ABL2: variants seen among roughly 807,000 people sequenced by gnomAD.
ABL2 encodes tyrosine-protein kinase ABL2.
In ABL2, 49 loss-of-function variants were observed where a neutral mutation model predicts 107.7. The observed-to-expected ratio is 0.45, with a 90% CI of 0.36 to 0.58. ABL2 has a LOEUF of 0.58. Among genes scored for constraint, ABL2 ranks in the 20% least tolerant of loss-of-function variants. The probability of loss-of-function intolerance (pLI) is 0.00; values close to 1 mark genes in which losing one functional copy is unlikely to be tolerated. For synonymous variants in ABL2, 549 were observed against 548.6 expected (o/e 1.00, Z -0.01); for missense variants, 1,245 against 1,457.0 (o/e 0.85, Z 2.37).
rs1197519973 is a variant in ABL2 at position 179,109,135 on chromosome 1, T to C, written c.2132A>G (p.Asn711Ser). 2 of 1,598,250 alleles carry C rather than the reference T, an allele frequency of 1.3e-6. No homozygotes were observed. Among genetic ancestry groups the C allele is most frequent in the Admixed American group, 1.7e-5 (1 of 57,568 alleles). The change falls in exon 12 of 12, where the codon AAT (asparagine) becomes AGT (serine). Residue 711 changes from asparagine (N) to serine (S), a missense_variant. Around this residue, in one of 3 missense-constraint regions of ABL2, gnomAD observed 761 missense variants for 766.4 expected, o/e 0.99. Transcript: ENST00000502732. ...CCCATAGCACTTGGGTGGCACCAGA[T>C]TCGCCTCTTGCTGGGCAGGAGTGAA... is the stretch of plus-strand genomic sequence containing the variant. ...FSFTPAQQEA[N>S]LVPPKCYGGS... is the part of the protein sequence containing the mutation.
At chr1:179,188,747 A>G (rs1459017346) in intron 1 of ABL2, among the ~76,000 whole-genome samples, 2 of 152,186 alleles carry the variant, frequency 1.3e-5, no homozygotes, top group East Asian at 3.9e-4. Flanking sequence ...ACTACCTGGT[A>G]GGTGCTCAGT....
At chr1:179,196,351 C>T (rs1661308833) in intron 1 of ABL2, 1 of 151,926 alleles carries the variant, frequency 6.6e-6, no homozygotes, top group Non-Finnish European at 1.5e-5. Flanking sequence ...CTACTTATGC[C>T]CAAGTTTTAA....
intron 4 of ABL2, among the ~76,000 whole-genome samples, chr1:179,122,298 AAT>A (rs1211184356): frequency 3.5e-5 from 5 of 144,554 alleles, no homozygotes; most frequent in South Asian, 2.2e-4. Flanking sequence ...AAAAAAAAAA[AAT>A]ATTCTGCAGA....
Position 179,229,619 on chromosome 1 carries a change from C to G in ABL2, c.-222G>C, listed in dbSNP as rs1663442114. On this transcript the variant is annotated 5_prime_UTR_variant, in exon 1 of 12. Coordinates refer to ENST00000502732, the MANE Select transcript of ABL2 (RefSeq NM_007314.4). ...CTGCTTTTCCCTCCTCCTGTCGCGGCTCCGCGCCCCCAACGCCGCCGCCGC... is the reference window on the plus strand; with the variant it reads ...CTGCTTTTCCCTCCTCCTGTCGCGGGTCCGCGCCCCCAACGCCGCCGCCGC... The G allele has an allele frequency of 1.2e-5, 6 of 520,924 alleles. No individual in the cohort carries two copies. The highest frequency in any genetic ancestry group is 1.6e-5 in the Non-Finnish European group (5 of 310,866). 32.3% of individuals were successfully genotyped at this position (520,924 alleles called of 1,614,324 possible).
At chr1:179,207,168 C>CT (rs573654560) in intron 1 of ABL2, among the ~76,000 whole-genome samples, 18,039 of 141,696 alleles carry the variant, frequency 0.13, 1,105 homozygotes, top group Non-Finnish European at 0.14. Flanking sequence ...TCTTTTCTTT[C>CT]TTTTTTTTTT....
At chr1:179,123,985 T>C (rs1655481273) in intron 4 of ABL2, among the ~76,000 whole-genome samples, 3 of 151,524 alleles carry the variant, frequency 2.0e-5, no homozygotes, top group Admixed American at 2.0e-4. Context: ...CTCACGCCTG[T>C]AATCCCAGCA....
At chr1:179,178,458 T>C (rs967965352) in intron 1 of ABL2, among the ~76,000 whole-genome samples, 9 of 150,332 alleles carry the variant, frequency 6.0e-5, no homozygotes, top group Non-Finnish European at 1.2e-4. Flanking sequence ...TGCAGATTCA[T>C]GCTCCAGAAA....
chr1:179,132,279 T>C (rs1049801240), intron 2 of ABL2, among the ~76,000 whole-genome samples: 1 of 152,218 alleles, frequency 6.6e-6, no homozygotes, highest in Non-Finnish European at 1.5e-5. Context: ...TTTTACGACC[T>C]GTTTTTTCCT....
Position 179,100,487 on chromosome 1 carries a change from A to C in ABL2, c.*7231T>G, listed in dbSNP as rs1653011371. On this transcript the variant is annotated 3_prime_UTR_variant, in exon 12 of 12. Transcript: ENST00000502732. ...TAAGTATACATATATGTGAAAATTT[A>C]AGTCCCATTCTCCAACTAAAGTTTA... The C allele has an allele frequency of 4.4e-6, 1 of 228,168 alleles. No individual in the cohort carries two copies. The highest frequency in any genetic ancestry group is 1.8e-4 in the South Asian group (1 of 5,484). 14.1% of individuals were successfully genotyped at this position (228,168 alleles called of 1,614,324 possible).
chr1:179,141,775 T>C (rs1477099766), intron 1 of ABL2, among the ~76,000 whole-genome samples: 1 of 152,182 alleles, frequency 6.6e-6, no homozygotes, highest in Non-Finnish European at 1.5e-5. Flanking sequence ...GCACAGGATA[T>C]CCACTTAAAC....
rs28914541 is a variant in ABL2 at position 179,119,997 on chromosome 1, A to C, written c.1045+193T>G. ...TTTGGGGGAGGAAAAAAGGCGGGGC[A>C]TGGTGGCTCATGCCTGTAATCCCAA... On this transcript the variant is annotated intron_variant, in intron 6 of 11. Transcript: ENST00000502732. 1.9e-3 allele frequency among the ~76,000 whole-genome samples: 282 copies of C among 152,202 alleles called. 2 individuals carry two copies. The highest frequency in any genetic ancestry group is 3.0e-3 in the Non-Finnish European group (205 of 67,996).
intron 1 of ABL2, among the ~76,000 whole-genome samples, chr1:179,210,554 G>A (rs552873268): frequency 4.6e-4 from 68 of 148,188 alleles, no homozygotes; most frequent in African/African-American, 1.7e-3. Context: ...ATTTTTAAAG[G>A]ATAAAAATAA....
intron 1 of ABL2, among the ~76,000 whole-genome samples, chr1:179,148,709 C>T (rs1433751614): frequency 2.0e-5 from 3 of 151,912 alleles, no homozygotes; most frequent in South Asian, 2.1e-4. Flanking sequence ...AGACCAGCCT[C>T]GCCAACATGG....
intron 1 of ABL2, among the ~76,000 whole-genome samples, chr1:179,199,932 T>C (rs1661566297): frequency 6.6e-6 from 1 of 151,824 alleles, no homozygotes; most frequent in Admixed American, 6.6e-5. Context: ...GGTCTCACTG[T>C]GTTGCCTAAG....
rs754053173 is a variant in ABL2 at position 179,229,265 on chromosome 1, C to T, written c.133G>A (p.Gly45Ser). ...CCATGCTGGGTGAAGATATTGAAGC[C>T]GGTCTCTGTGGTGCGCCCCGCCGGG... ...RDPAGRTTET[G>S]FNIFTQHDHF... Residue 45 changes from glycine to serine, a missense_variant, in exon 1 of 12, where the codon GGC (glycine) becomes AGC (serine). Around this residue, in one of 3 missense-constraint regions of ABL2, gnomAD observed 164 missense variants for 143.7 expected, o/e 1.14. Transcript: ENST00000502732. The T allele has an allele frequency of 2.6e-6, 4 of 1,555,670 alleles. No individual in the cohort carries two copies. Among genetic ancestry groups the T allele is most frequent in the Non-Finnish European group, 3.5e-6 (4 of 1,151,942 alleles).
chr1:179,126,321 T>C lies in ABL2; in HGVS notation c.687+56A>G. On this transcript the variant is annotated intron_variant, in intron 4 of 11. Transcript: ENST00000502732. The surrounding 1 kb of genome is among the most constrained non-coding windows in gnomAD (Gnocchi z 4.4). ...ATTATTTCACTTCAATCACGTTGAA[T>C]ATTATTTCACAGAGTAGCCAGTCCA... 6.5e-7 allele frequency: 1 copy of C among 1,530,438 alleles called. No homozygotes were observed. The highest frequency in any genetic ancestry group is 9.0e-7 in the Non-Finnish European group (1 of 1,117,318). 94.8% of individuals were successfully genotyped at this position (1,530,438 alleles called of 1,614,324 possible). A position where few individuals can be genotyped will look rare whatever the true frequency, so the allele number is the denominator to read the frequency against.
Position 179,121,222 on chromosome 1 carries a change from G to C in ABL2, c.960+373C>G, listed in dbSNP as rs1365932365. 3.9e-5 allele frequency among the ~76,000 whole-genome samples: 6 copies of C among 152,356 alleles called. No individual in the cohort carries two copies. The East Asian group carries it at 1.2e-3, about 29-fold the overall frequency. ...AGACAGGAGGAACAAGAACAAGGGA[G>C]AGAAAGGACAGAACAAGAAAGAGGC... On this transcript the variant is annotated intron_variant, in intron 5 of 11. Transcript: ENST00000502732.
chr1:179,142,981 A>C, intron 1 of ABL2: 1 of 1,614,242 alleles, frequency 6.2e-7, no homozygotes, highest in Non-Finnish European at 8.5e-7. Flanking sequence ...CACAGGCAGC[A>C]AAGTGAAGTG....
At chr1:179,177,447 T>C (rs901480414) in intron 1 of ABL2, among the ~76,000 whole-genome samples, 2 of 152,250 alleles carry the variant, frequency 1.3e-5, no homozygotes, top group Non-Finnish European at 2.9e-5. Flanking sequence ...GGGAGCATCT[T>C]GCCCTAGGAC....
Sources: allele counts gnomAD v4.1 joint callset (sites outside exome capture counted in the v4.1 genomes callset), GRCh38; gene constraint gnomAD v4.1.1; regional missense constraint gnomAD v4.1.1; non-coding constraint Gnocchi (gnomAD v3.1); transcripts MANE v1.5; gene names NCBI Gene and HGNC (gene_info 2026-07-23, HGNC 2026-07-21).